GAS6: variants seen among roughly 807,000 people sequenced by gnomAD.
The protein encoded by GAS6 is growth arrest-specific protein 6.
A neutral mutation model predicts 75.8 loss-of-function variants in GAS6; 41 were observed. The observed-to-expected ratio is 0.54, with a 90% CI of 0.42 to 0.70. The LOEUF (loss-of-function observed/expected upper bound fraction) is 0.70, where lower values mean the gene tolerates loss of function less well. Among genes scored for constraint, GAS6 ranks in the 30% least tolerant of loss-of-function variants. GAS6 has a pLI of 0.00. For missense variants in GAS6, 854 were observed against 940.2 expected (o/e 0.91, Z 1.20); for synonymous variants, 432 against 412.6 (o/e 1.05, Z -0.57).
chr13:113,857,277 CAG>C (rs1384884680), intron 2 of GAS6, among the ~76,000 whole-genome samples: 1 of 152,194 alleles, frequency 6.6e-6, no homozygotes, highest in Admixed American at 6.5e-5. Context: ...TCAGTCAGAG[CAG>C]AGAGTGCCTC....
intron 14 of GAS6, 68 bp from the exon 15 acceptor site, chr13:113,821,086 C>A: frequency 6.4e-7 from 1 of 1,553,612 alleles, no homozygotes; most frequent in South Asian, 1.1e-5. Context: ...GCCCCCCCAC[C>A]CCCGGCAGCG....
intron 2 of GAS6, among the ~76,000 whole-genome samples, chr13:113,852,712 A>G (rs1853400009): frequency 6.6e-6 from 1 of 152,130 alleles, no homozygotes; most frequent in African/African-American, 2.4e-5. Flanking sequence ...CCCCGCTCAA[A>G]GCCACCCACA....
In GAS6 at chr13:113,838,078, T is replaced by C. The variant is rs750301504; in HGVS notation, c.580A>G (p.Thr194Ala). The change falls in exon 6 of 15, where the codon ACC becomes GCC. Residue 194 changes from threonine to alanine, a missense_variant. Physicochemically the swap from Thr to Ala is moderately conservative, Grantham distance 58 (BLOSUM62 0). Transcript: ENST00000327773. Reference sequence around the variant, plus strand: ...CACCCCAGGGCCTTACCTTGGCAGGTCCTGCCATCAGAGGAGAGCTCGAAG... The same window carrying C: ...CACCCCAGGGCCTTACCTTGGCAGGCCCTGCCATCAGAGGAGAGCTCGAAG... Reference protein sequence around the residue: ...SGFELSSDGRTCQDIDECADS... With the variant: ...SGFELSSDGRACQDIDECADS... 44 of 1,612,146 alleles carry C rather than the reference T, an allele frequency of 2.7e-5. No individual in the cohort carries two copies. The highest frequency in any genetic ancestry group is 3.3e-5 in the Non-Finnish European group (39 of 1,179,812).
Position 113,863,506 on chromosome 13 carries a change from C to A in GAS6, c.255+69G>T. 1 of 1,415,994 alleles carries A rather than the reference C, an allele frequency of 7.1e-7. No homozygotes were observed. The highest frequency in any genetic ancestry group is 9.2e-7 in the Non-Finnish European group (1 of 1,085,006). The allele number at this position is 1,415,994 out of a possible 1,614,324, so 87.7% of individuals were successfully genotyped here. ...GAGCTGGGGGGCGGCAGCAGCGCTG[C>A]CTCTCGGGAGCGGTTGGAGGCGCGC... On this transcript the variant is annotated intron_variant, in intron 2 of 14. Transcript: ENST00000327773. This position sits in a 1 kb window ranked among gnomAD's most constrained non-coding sequence, Gnocchi z 9.4.
chr13:113,839,911 C>T (rs549024909), intron 4 of GAS6, 61 bp from the exon 5 acceptor site: 1 of 1,610,478 alleles, frequency 6.2e-7, no homozygotes, highest in African/African-American at 1.3e-5. Context: ...GCGCCCAACG[C>T]AGCTGAGATC....
intron 2 of GAS6, among the ~76,000 whole-genome samples, chr13:113,861,679 T>C (rs982703698): frequency 6.6e-6 from 1 of 152,124 alleles, no homozygotes; most frequent in Non-Finnish European, 1.5e-5. Flanking sequence ...CGGCTGGGAC[T>C]CAAGCCAGCC....
intron 14 of GAS6, 41 bp from the exon 15 acceptor site, chr13:113,821,059 G>A (rs766800653): frequency 3.8e-6 from 6 of 1,594,782 alleles, no homozygotes; most frequent in African/African-American, 1.3e-5. Context: ...AGCTCACCAC[G>A]TGGCCGGCCC....
At chr13:113,846,735 T>A (rs2051836751) in intron 3 of GAS6, 146 bp from the exon 4 acceptor site, 1 of 668,142 alleles carries the variant, frequency 1.5e-6, no homozygotes, top group East Asian at 2.7e-5. Flanking sequence ...GCTTAGCTTG[T>A]GTTAATAAAA....
At chr13:113,836,853 G>GAGTGGGGA (rs2051721623) in intron 6 of GAS6, among the ~76,000 whole-genome samples, 1 of 114,884 alleles carries the variant, frequency 8.7e-6, no homozygotes, top group African/African-American at 3.3e-5. Flanking sequence ...GGAGTGGGGG[G>GAGTGGGGA]GAGGAGGAGG....
chr13:113,821,918 G>C, intron 14 of GAS6, 40 bp downstream of exon 14: 1 of 1,461,136 alleles, frequency 6.8e-7, no homozygotes, highest in East Asian at 2.5e-5. Flanking sequence ...GGCCTCCCTG[G>C]AGCTCTTCAC....
chr13:113,858,753 A>ATG (rs1215398946), intron 2 of GAS6, among the ~76,000 whole-genome samples: 12 of 149,818 alleles, frequency 8.0e-5, no homozygotes, highest in African/African-American at 3.0e-4. Context: ...GTCTGTTAGT[A>ATG]TGTGTGTGCG....
At chr13:113,858,107 C>T (rs892319608) in intron 2 of GAS6, among the ~76,000 whole-genome samples, 17 of 152,224 alleles carry the variant, frequency 1.1e-4, no homozygotes, top group Admixed American at 5.9e-4. Flanking sequence ...GCCACAGAGC[C>T]CCGTGACCTT....
At chr13:113,859,592 GTC>G (rs2051954251) in intron 2 of GAS6, among the ~76,000 whole-genome samples, 1 of 151,752 alleles carries the variant, frequency 6.6e-6, no homozygotes, top group East Asian at 1.9e-4. Context: ...GTATGTACAT[GTC>G]TGTTAGTATG....
chr13:113,832,355 C>T lies in GAS6; in HGVS notation c.1087G>A (p.Gly363Ser), dbSNP rs746972667. ...CCGCTGCTGGTGACACGGCCGACAC[C>T]GTTGTAGCGCAGCTGCAGCTCCAGC... ...GRLELQLRYN[G>S]VGRVTSSGPV... The change falls in exon 10 of 15, where the codon GGT (glycine) becomes AGT (serine). Residue 363 changes from glycine to serine, a missense_variant. Transcript: ENST00000327773. The T allele has an allele frequency of 1.0e-5, 16 of 1,607,548 alleles. No individual in the cohort carries two copies. Among genetic ancestry groups the T allele is most frequent in the Non-Finnish European group, 1.1e-5 (13 of 1,179,880 alleles).
At chr13:113,828,318 T>C (rs1188810669) in intron 11 of GAS6, among the ~76,000 whole-genome samples, 1 of 152,210 alleles carries the variant, frequency 6.6e-6, no homozygotes, top group Non-Finnish European at 1.5e-5. Flanking sequence ...AATAGACAAC[T>C]TTATTATCAA....
At chr13:113,824,527 A>G (rs893621589) in intron 12 of GAS6, among the ~76,000 whole-genome samples, 14 of 152,266 alleles carry the variant, frequency 9.2e-5, no homozygotes, top group African/African-American at 2.9e-4. Context: ...AGAAGAAAAA[A>G]CTTCCGCCCT....
At chr13:113,850,330 G>A (rs78807507) in intron 2 of GAS6, among the ~76,000 whole-genome samples, 12,536 of 152,108 alleles carry the variant, frequency 0.082, 653 homozygotes, top group East Asian at 0.17. Context: ...CCACTCAGGA[G>A]GCCGGAATTT....
Position 113,863,937 on chromosome 13 carries a change from G to T in GAS6, c.-17C>A. ...AGGGGCCATGGCGGGCCGGGGACGCGCGGTCAGAGCGCCCGGGAGGCCGAG... is the reference window on the plus strand; with the variant it reads ...AGGGGCCATGGCGGGCCGGGGACGCTCGGTCAGAGCGCCCGGGAGGCCGAG... On this transcript the variant is annotated 5_prime_UTR_variant, in exon 1 of 15. Transcript: ENST00000327773. The surrounding 1 kb of genome is among the most constrained non-coding windows in gnomAD (Gnocchi z 9.4). 1 of 1,116,278 alleles carries T rather than the reference G, an allele frequency of 9.0e-7. No homozygotes were observed. The highest frequency in any genetic ancestry group is 5.0e-5 in the Admixed American group (1 of 19,852). 69.1% of individuals were successfully genotyped at this position (1,116,278 alleles called of 1,614,324 possible).
intron 11 of GAS6, among the ~76,000 whole-genome samples, chr13:113,828,057 C>A (rs984989669): frequency 6.6e-6 from 1 of 152,112 alleles, no homozygotes; most frequent in Non-Finnish European, 1.5e-5. Context: ...GGGCAGTTCA[C>A]GAGGTCAGAA....
Sources: gnomAD v4.1 joint callset for allele counts (sites outside exome capture counted in the v4.1 genomes callset) on GRCh38, gnomAD v4.1.1 for gene constraint, Gnocchi (gnomAD v3.1) non-coding constraint, MANE v1.5 for transcripts, NCBI Gene and HGNC (gene_info 2026-07-23, HGNC 2026-07-21) for gene names.